DCTN2: variants seen among roughly 807,000 people sequenced by gnomAD.
DCTN2 encodes the protein 50 kDa dynein-associated polypeptide.
DCTN2 carries 18 observed loss-of-function variants against 55.4 expected under a neutral mutation model. The observed-to-expected ratio is 0.32, with a 90% CI of 0.22 to 0.48. DCTN2 has a LOEUF of 0.48. Among genes scored for constraint, DCTN2 ranks in the 20% least tolerant of loss-of-function variants. DCTN2 has a pLI of 0.99. For missense variants in DCTN2, 390 were observed against 491.0 expected (o/e 0.79, Z 1.94); for synonymous variants, 168 against 185.2 (o/e 0.91, Z 0.76).
Position 57,534,455 on chromosome 12 carries a change from A to G in DCTN2, c.364-3T>C, listed in dbSNP as rs1880049534. ...GTGGCTGACTCCTTCACTGTCGTCT[A>G]GTATGAAAAAAGGTAGAAATCGGGG... On this transcript the variant is annotated splice_polypyrimidine_tract_variant and splice_region_variant and intron_variant, in intron 5 of 13. Coordinates refer to ENST00000548249, the MANE Select transcript of DCTN2 (RefSeq NM_001261413.2). 4 of 1,574,532 alleles carry G rather than the reference A, an allele frequency of 2.5e-6. No homozygotes were observed. Among genetic ancestry groups the G allele is most frequent in the Non-Finnish European group, 3.5e-6 (4 of 1,157,792 alleles).
At chr12:57,535,408 T>C (rs775602201) in intron 4 of DCTN2, 76 bp downstream of exon 4, 8 of 1,560,790 alleles carry the variant, frequency 5.1e-6, no homozygotes, top group Non-Finnish European at 6.2e-6. Flanking sequence ...CCTGTATCCC[T>C]TGATCTCCCT....
intron 13 of DCTN2, among the ~76,000 whole-genome samples, 162 bp from the exon 14 acceptor site, chr12:57,530,937 G>A (rs1444225065): frequency 6.6e-6 from 1 of 152,182 alleles, no homozygotes; most frequent in Non-Finnish European, 1.5e-5. Context: ...TACCCTTAGA[G>A]TACATAGACC....
At chr12:57,545,455 A>G (rs933813449) in intron 2 of DCTN2, among the ~76,000 whole-genome samples, 1 of 152,178 alleles carries the variant, frequency 6.6e-6, no homozygotes, top group Non-Finnish European at 1.5e-5. Flanking sequence ...CACAGTTAAA[A>G]TGTATCCGTA....
chr12:57,541,409 G>A, intron 2 of DCTN2: 1 of 1,598,840 alleles, frequency 6.3e-7, no homozygotes, highest in Non-Finnish European at 8.5e-7. Context: ...GGGAGGATGG[G>A]GGAAGCATTA....
chr12:57,535,278 T>C lies in DCTN2; in HGVS notation c.265-124A>G. 12 of 983,152 alleles carry C rather than the reference T, an allele frequency of 1.2e-5. No homozygotes were observed. In the South Asian group the frequency reaches 1.9e-4, roughly 16 times the overall value. The allele number at this position is 983,152 out of a possible 1,614,324, so 60.9% of individuals were successfully genotyped here. A position where few individuals can be genotyped will look rare whatever the true frequency, so the allele number is the denominator to read the frequency against. On this transcript the variant is annotated intron_variant, in intron 4 of 13. Coordinates refer to ENST00000548249, the MANE Select transcript of DCTN2 (RefSeq NM_001261413.2). ...CAATTGAGAATCCACAACACCCTAG[T>C]ACCAAAGAACTGAGGACAGCTAGAG...
chr12:57,545,971 C>G, intron 2 of DCTN2, 57 bp downstream of exon 2: 1 of 1,567,946 alleles, frequency 6.4e-7, no homozygotes, highest in Non-Finnish European at 8.8e-7. Context: ...AGGGAAGGAC[C>G]TGTCTAGGGG....
chr12:57,541,039 A>C (rs1880648975), intron 2 of DCTN2, among the ~76,000 whole-genome samples: 1 of 152,172 alleles, frequency 6.6e-6, no homozygotes, highest in Non-Finnish European at 1.5e-5. Flanking sequence ...TGAGGAGGAG[A>C]AAGGAAACTG....
intron 2 of DCTN2, among the ~76,000 whole-genome samples, chr12:57,545,281 T>C (rs1212413265): frequency 1.3e-5 from 2 of 152,200 alleles, no homozygotes; most frequent in African/African-American, 4.8e-5. Context: ...ACTATGTTGA[T>C]TTCCATTCAC....
chr12:57,539,591 G>C (rs935786041), intron 2 of DCTN2, among the ~76,000 whole-genome samples: 15 of 152,200 alleles, frequency 9.9e-5, no homozygotes, highest in African/African-American at 3.6e-4. Flanking sequence ...TCTGCTGATG[G>C]GCAGATGGTT....
At chr12:57,542,634 A>G (rs1348669196) in intron 2 of DCTN2, among the ~76,000 whole-genome samples, 1 of 152,156 alleles carries the variant, frequency 6.6e-6, no homozygotes, top group Non-Finnish European at 1.5e-5. Context: ...CCTGGCCAAC[A>G]TGGTGAAACC....
chr12:57,538,382 G>A, intron 2 of DCTN2: 1 of 680,804 alleles, frequency 1.5e-6, no homozygotes, highest in South Asian at 1.5e-5. Flanking sequence ...TAATTACAGT[G>A]ACTTGTGAGA....
intron 13 of DCTN2, 129 bp from the exon 14 acceptor site, chr12:57,530,904 G>T: frequency 1.3e-6 from 1 of 794,690 alleles, no homozygotes; most frequent in Non-Finnish European, 2.1e-6. Context: ...GAGGGGGGAT[G>T]TTTATAGCAC....
intron 2 of DCTN2, chr12:57,541,289 GCA>G: frequency 6.4e-7 from 1 of 1,555,734 alleles, no homozygotes; most frequent in Non-Finnish European, 8.7e-7. Flanking sequence ...TACAACAATA[GCA>G]CAGTGGCAGA....
At chr12:57,543,215 G>A (rs1594894088) in intron 2 of DCTN2, 2 of 363,444 alleles carry the variant, frequency 5.5e-6, no homozygotes, top group East Asian at 1.5e-4. Flanking sequence ...CGGGTGTGGT[G>A]GTGGGCGCCT....
intron 2 of DCTN2, among the ~76,000 whole-genome samples, chr12:57,539,514 C>T (rs941667469): frequency 1.2e-4 from 19 of 152,318 alleles, no homozygotes; most frequent in African/African-American, 4.6e-4. Context: ...GCTCCCACTT[C>T]CGGGCAAGGC....
intron 2 of DCTN2, chr12:57,543,156 T>A (rs3782129): frequency 0.77 from 300,889 of 392,546 alleles, 122,809 homozygotes; most frequent in Non-Finnish European, 0.86. Flanking sequence ...GAGACCATCC[T>A]GGCTAACACA....
At chr12:57,545,029 G>A (rs1038938493) in intron 2 of DCTN2, among the ~76,000 whole-genome samples, 1 of 152,196 alleles carries the variant, frequency 6.6e-6, no homozygotes, top group East Asian at 1.9e-4. Context: ...AGAAATAAGT[G>A]AGTACGCCAA....
At chr12:57,532,342 G>A (rs1294523660) in intron 11 of DCTN2, 27 bp from the exon 12 acceptor site, 4 of 1,549,128 alleles carry the variant, frequency 2.6e-6, no homozygotes, top group Admixed American at 2.0e-5. Context: ...GGGCCCAGAG[G>A]GGATGGCTGA....
rs1006573476 is a variant in DCTN2, at chr12:57,538,420, T to C, written c.106-2575A>G. 3.1e-5 allele frequency: 22 copies of C among 709,448 alleles called. No homozygotes were observed. The African/African-American group carries it at 3.3e-4, about 11-fold the overall frequency. 43.9% of individuals were successfully genotyped at this position (709,448 alleles called of 1,614,324 possible). A position where few individuals can be genotyped will look rare whatever the true frequency, so the allele number is the denominator to read the frequency against. ...GGAAAAGGCTGGGTGTGGGACTGAA[T>C]AGATGAATGAAAGATTTAGTAGAGT... On this transcript the variant is annotated intron_variant, in intron 2 of 13. Transcript: ENST00000548249.
Sources: allele counts gnomAD v4.1 joint callset (sites outside exome capture counted in the v4.1 genomes callset), GRCh38; gene constraint gnomAD v4.1.1; transcripts MANE v1.5; gene names NCBI Gene and HGNC (gene_info 2026-07-23, HGNC 2026-07-21).